The following BACH2 variants were observed in gnomAD, a reference collection of about 807,000 sequenced individuals.
BACH2 encodes BACH transcriptional regulator 2.
BACH2 carries 5 observed loss-of-function variants against 61.8 expected under a neutral mutation model. The observed-to-expected ratio is 0.08, with a 90% CI of 0.04 to 0.17. BACH2 has a LOEUF of 0.17. Ranked by LOEUF, BACH2 falls within the 10% of genes least tolerant of loss-of-function variation. The pLI is 1.00. For missense variants in BACH2, 824 were observed against 1,091.1 expected (o/e 0.76, Z 3.45); for synonymous variants, 446 against 440.1 (o/e 1.01, Z -0.17).
At chr6:90,020,575 G>T (rs1342251001) in intron 5 of BACH2, among the ~76,000 whole-genome samples, 14 of 131,118 alleles carry the variant, frequency 1.1e-4, no homozygotes, top group Non-Finnish European at 1.4e-4. Flanking sequence ...CCAGCCTCTA[G>T]AACTGTAAGA....
intron 6 of BACH2, among the ~76,000 whole-genome samples, chr6:89,975,635 T>C (rs1277824703): frequency 6.6e-6 from 1 of 152,240 alleles, no homozygotes; most frequent in Non-Finnish European, 1.5e-5. Context: ...TACAAACTAC[T>C]TGTTAAATAA....
intron 4 of BACH2, among the ~76,000 whole-genome samples, chr6:90,092,741 C>T (rs1352210521): frequency 6.6e-6 from 1 of 152,098 alleles, no homozygotes; most frequent in Non-Finnish European, 1.5e-5. Context: ...GTTAGAAGAT[C>T]TGAGTTTTAT....
At chr6:90,005,828 C>T (rs752639627) in intron 6 of BACH2, among the ~76,000 whole-genome samples, 52 of 152,278 alleles carry the variant, frequency 3.4e-4, no homozygotes, top group Middle Eastern at 3.4e-3. Flanking sequence ...ATTTCAGATA[C>T]GTGAGCAACC....
At chr6:90,294,248 T>A (rs905231372) in intron 1 of BACH2, among the ~76,000 whole-genome samples, 2 of 152,218 alleles carry the variant, frequency 1.3e-5, no homozygotes, top group Non-Finnish European at 2.9e-5. Flanking sequence ...AACACATTCA[T>A]GATTACCAAA....
chr6:90,200,368 G>C (rs1768916850), intron 4 of BACH2, among the ~76,000 whole-genome samples: 1 of 152,084 alleles, frequency 6.6e-6, no homozygotes, highest in Non-Finnish European at 1.5e-5. Flanking sequence ...CGAGTAAGAG[G>C]ATGTACTGTT....
At position 89,969,383 on chromosome 6, in the gene BACH2, C is replaced by T. The variant is rs117489040; in HGVS notation, c.244-17521G>A. Among the ~76,000 whole-genome samples, 1,224 of 152,164 alleles carry T rather than the reference C, an allele frequency of 8.0e-3. 8 individuals carry two copies. Among genetic ancestry groups the T allele is most frequent in the Non-Finnish European group, 0.011 (729 of 67,988 alleles). On this transcript the variant is annotated intron_variant, in intron 6 of 8. Coordinates refer to ENST00000257749, the MANE Select transcript of BACH2 (RefSeq NM_021813.4). ...ATGTAGTCTTAAGAAGGTAAGAATT[C>T]CTGGAGGAACTCACAATGTATCACA...
At chr6:89,962,304 T>C (rs1004244773) in intron 6 of BACH2, among the ~76,000 whole-genome samples, 2 of 152,216 alleles carry the variant, frequency 1.3e-5, no homozygotes, top group Non-Finnish European at 2.9e-5. Context: ...TTCAGTCTTA[T>C]GGTCATTCAT....
intron 4 of BACH2, among the ~76,000 whole-genome samples, chr6:90,144,832 T>G (rs960799957): frequency 6.6e-6 from 1 of 152,202 alleles, no homozygotes; most frequent in African/African-American, 2.4e-5. Context: ...CATGCTTATG[T>G]TGAAAGATCC....
At chr6:89,937,232 C>T (rs1281661101) in intron 8 of BACH2, among the ~76,000 whole-genome samples, 1 of 152,092 alleles carries the variant, frequency 6.6e-6, no homozygotes, top group East Asian at 1.9e-4. Context: ...GTCAGGAGAT[C>T]ATCTCCTGAG....
intron 4 of BACH2, among the ~76,000 whole-genome samples, chr6:90,184,252 T>A (rs915250138): frequency 3.9e-5 from 6 of 152,220 alleles, no homozygotes; most frequent in African/African-American, 1.4e-4. Context: ...GTAGCTAGAA[T>A]AAACGCCATT....
At chr6:90,042,757 T>C (rs1284765558) in intron 5 of BACH2, among the ~76,000 whole-genome samples, 1 of 152,212 alleles carries the variant, frequency 6.6e-6, no homozygotes, top group Non-Finnish European at 1.5e-5. Context: ...CCTATAATCT[T>C]TAATAGGCAT....
Position 89,950,183 on chromosome 6 carries a change from A to G in BACH2, c.1836+87T>C. ...ATCTTTAATCTTAGCACGTAAGAAC[A>G]ATGTGGGAGTGGTGGGGGGCAGGGA... On this transcript the variant is annotated intron_variant, in intron 7 of 8. Coordinates refer to ENST00000257749, the MANE Select transcript of BACH2 (RefSeq NM_021813.4). This position sits in a 1 kb window ranked among gnomAD's most constrained non-coding sequence, Gnocchi z 5.3. The G allele has an allele frequency of 6.9e-7, 1 of 1,446,252 alleles. No individual in the cohort carries two copies. Among genetic ancestry groups the G allele is most frequent in the Non-Finnish European group, 9.7e-7 (1 of 1,028,908 alleles). 89.6% of individuals were successfully genotyped at this position (1,446,252 alleles called of 1,614,324 possible).
intron 6 of BACH2, among the ~76,000 whole-genome samples, chr6:89,968,786 C>T (rs182646612): frequency 2.2e-4 from 33 of 152,176 alleles, no homozygotes; most frequent in Middle Eastern, 3.4e-3. Context: ...TGAGGCTGGC[C>T]GATCCCTTGA....
At chr6:90,149,224 AG>A (rs1362596083) in intron 4 of BACH2, among the ~76,000 whole-genome samples, 2 of 152,226 alleles carry the variant, frequency 1.3e-5, no homozygotes, top group Non-Finnish European at 2.9e-5. Flanking sequence ...AGATATGATA[AG>A]GGGCAAGTAA....
At chr6:90,119,086 A>G (rs1404730264) in intron 4 of BACH2, among the ~76,000 whole-genome samples, 1 of 152,210 alleles carries the variant, frequency 6.6e-6, no homozygotes, top group Non-Finnish European at 1.5e-5. Flanking sequence ...TCCTTTGCAC[A>G]AACATGTGAC....
chr6:90,270,503 T>C (rs1228534029), intron 2 of BACH2, among the ~76,000 whole-genome samples: 1 of 152,126 alleles, frequency 6.6e-6, no homozygotes, highest in Non-Finnish European at 1.5e-5. Flanking sequence ...ATAAAATACT[T>C]AGGAATACAC....
At chr6:90,057,209 C>T (rs928943849) in intron 5 of BACH2, among the ~76,000 whole-genome samples, 1 of 151,850 alleles carries the variant, frequency 6.6e-6, no homozygotes, top group Non-Finnish European at 1.5e-5. Context: ...AGATCAACAA[C>T]ATTGATAGAC....
At chr6:90,296,156 C>G (rs954744716) in intron 1 of BACH2, among the ~76,000 whole-genome samples, 1 of 152,130 alleles carries the variant, frequency 6.6e-6, no homozygotes, top group African/African-American at 2.4e-5. Context: ...TTACTCTCTG[C>G]TCCTCCTCCC....
rs1339218842 is a variant in BACH2 at position 90,258,974 on chromosome 6, CT to C, written c.-352-6385del. 5.3e-5 allele frequency among the ~76,000 whole-genome samples: 8 copies of C among 152,084 alleles called. 1 individual carries two copies. Among genetic ancestry groups the C allele is most frequent in the East Asian group, 1.9e-4 (1 of 5,198 alleles). ...TTTTTTTGTGTGGAATCTGCAGGGG[CT>C]TTTTTCCCCCCCTACAATATAGGAT... is the stretch of plus-strand genomic sequence containing the variant. On this transcript the variant is annotated intron_variant, in intron 2 of 8. Coordinates refer to ENST00000257749, the MANE Select transcript of BACH2 (RefSeq NM_021813.4).
Sources: gnomAD v4.1 joint callset for allele counts (sites outside exome capture counted in the v4.1 genomes callset) on GRCh38, gnomAD v4.1.1 for gene constraint, Gnocchi (gnomAD v3.1) non-coding constraint, MANE v1.5 for transcripts, NCBI Gene and HGNC (gene_info 2026-07-23, HGNC 2026-07-21) for gene names.